The following NMNAT1 variants were observed in gnomAD, a reference collection of about 807,000 sequenced individuals.
NMNAT1 encodes the protein nicotinamide nucleotide adenylyltransferase 1, also known as nicotinamide/nicotinic acid mononucleotide adenylyltransferase 1.
A neutral mutation model predicts 16.7 loss-of-function variants in NMNAT1; 11 were observed. The observed-to-expected ratio is 0.66, with a 90% CI of 0.41 to 1.09. NMNAT1 has a LOEUF of 1.09. NMNAT1 is among the 50% of genes least tolerant of loss of function. NMNAT1 has a pLI of 0.00. For missense variants in NMNAT1, 280 were observed against 332.3 expected (o/e 0.84, Z 1.22); for synonymous variants, 110 against 119.8 (o/e 0.92, Z 0.53).
At chr1:9,966,989 C>T (rs929884501) in intron 1 of NMNAT1, among the ~76,000 whole-genome samples, 2 of 151,834 alleles carry the variant, frequency 1.3e-5, no homozygotes, top group African/African-American at 4.8e-5. Flanking sequence ...TTTAAAAGGC[C>T]GTGGCGGGCA....
intron 1 of NMNAT1, among the ~76,000 whole-genome samples, chr1:9,947,092 T>C (rs948279922): frequency 1.3e-5 from 2 of 152,194 alleles, no homozygotes; most frequent in African/African-American, 2.4e-5. Flanking sequence ...TGCCTACTTA[T>C]TGTCACCACT....
chr1:9,946,997 T>TA (rs1640994421), intron 1 of NMNAT1, among the ~76,000 whole-genome samples: 1 of 152,150 alleles, frequency 6.6e-6, no homozygotes, highest in South Asian at 2.1e-4. Context: ...AGCAGACAAA[T>TA]ACACCATCTA....
At chr1:9,980,516 G>C (rs1405365604) in intron 3 of NMNAT1, among the ~76,000 whole-genome samples, 2 of 151,306 alleles carry the variant, frequency 1.3e-5, no homozygotes, top group African/African-American at 4.8e-5. Context: ...CCAGCTGCTC[G>C]GGAGGCTGAG....
intron 3 of NMNAT1, among the ~76,000 whole-genome samples, chr1:9,980,703 T>C (rs1408741699): frequency 2.0e-5 from 3 of 151,560 alleles, no homozygotes; most frequent in Non-Finnish European, 4.4e-5. Context: ...GTCGCCCAGG[T>C]TGGAGTGCAG....
At chr1:9,959,088 T>C (rs1356744267) in intron 1 of NMNAT1, among the ~76,000 whole-genome samples, 3 of 152,056 alleles carry the variant, frequency 2.0e-5, no homozygotes, top group East Asian at 3.9e-4. Context: ...TAAGAAAATC[T>C]TGGTCGGGCA....
chr1:9,969,336 G>T lies in NMNAT1; in HGVS notation c.-56-2682G>T, dbSNP rs566692382. On this transcript the variant is annotated intron_variant, in intron 1 of 4. Transcript: ENST00000377205. ...TAAACAGGAGTATTCAGAGGATAGG[G>T]CTCTTGGAAATTAAGAGTGTAATGG... is the stretch of plus-strand genomic sequence containing the variant. Among the ~76,000 whole-genome samples the T allele has an allele frequency of 9.0e-4, 137 of 152,284 alleles. 1 individual carries two copies. The highest frequency in any genetic ancestry group is 3.1e-3 in the African/African-American group (129 of 41,566).
At chr1:9,956,420 CT>C (rs758331917) in intron 1 of NMNAT1, among the ~76,000 whole-genome samples, 18,578 of 117,436 alleles carry the variant, frequency 0.16, 1,578 homozygotes, top group African/African-American at 0.34. Flanking sequence ...ATTGGTCTAC[CT>C]TTTTTTTTTT....
chr1:9,950,804 AGGGT>A (rs2101640859), intron 1 of NMNAT1, among the ~76,000 whole-genome samples: 1 of 152,186 alleles, frequency 6.6e-6, no homozygotes, highest in South Asian at 2.1e-4. Context: ...AAGAGGAACT[AGGGT>A]GTGGGCACAG....
intron 2 of NMNAT1, among the ~76,000 whole-genome samples, chr1:9,975,111 T>C (rs1641776537): frequency 6.6e-6 from 1 of 152,170 alleles, no homozygotes; most frequent in South Asian, 2.1e-4. Context: ...GTTAATATCA[T>C]AGAACTGTAC....
At chr1:9,986,450 A>T (rs1642046046), downstream of NMNAT1, among the ~76,000 whole-genome samples, 1 of 152,186 alleles carries the variant, frequency 6.6e-6, no homozygotes, top group Non-Finnish European at 1.5e-5. Context: ...GTGGTGGCTC[A>T]GCCAGGCTTG....
intron 1 of NMNAT1, among the ~76,000 whole-genome samples, chr1:9,960,418 G>A (rs568716191): frequency 3.3e-5 from 5 of 151,926 alleles, no homozygotes; most frequent in African/African-American, 4.8e-5. Flanking sequence ...TCCCAGCACC[G>A]TGGGAGGCCA....
intron 3 of NMNAT1, among the ~76,000 whole-genome samples, chr1:9,979,195 T>A (rs1414839385): frequency 2.6e-5 from 4 of 152,160 alleles, no homozygotes; most frequent in African/African-American, 9.6e-5. Context: ...AGGCTGATCA[T>A]GGTGGCTCAC....
At chr1:9,995,493 GACCT>G in the NMNAT1 span, among the ~76,000 whole-genome samples, 4 of 151,196 alleles carry the variant, frequency 2.6e-5, no homozygotes, top group African/African-American at 7.3e-5. Context: ...GGGAGTTCGA[GACCT>G]ACCTGGCCAA....
At chr1:9,994,227 C>T in the NMNAT1 span, among the ~76,000 whole-genome samples, 1 of 149,074 alleles carries the variant, frequency 6.7e-6, no homozygotes, top group Admixed American at 6.7e-5. Context: ...TCTCCTGCCT[C>T]AGCCTCTCCA....
At chr1:9,947,897 A>G (rs1005504197) in intron 1 of NMNAT1, among the ~76,000 whole-genome samples, 1 of 152,214 alleles carries the variant, frequency 6.6e-6, no homozygotes, top group African/African-American at 2.4e-5. Flanking sequence ...TTCAACTGCT[A>G]GAGAGATCCT....
rs1389049223 is a variant in NMNAT1, at chr1:9,984,857, T to C, written c.*2156T>C. 1 of 152,164 alleles carries C rather than the reference T, an allele frequency of 6.6e-6. No individual in the cohort carries two copies. Among genetic ancestry groups the C allele is most frequent in the African/African-American group, 2.4e-5 (1 of 41,434 alleles). 9.4% of individuals were successfully genotyped at this position (152,164 alleles called of 1,614,324 possible). ...TTCAGATAAGAGAAGTGGCTTTTCC[T>C]TGGTGATGAAGGGGTAGAGATTGAG... On this transcript the variant is annotated 3_prime_UTR_variant, in exon 5 of 5. Coordinates refer to ENST00000377205, the MANE Select transcript of NMNAT1 (RefSeq NM_022787.4).
the NMNAT1 span, among the ~76,000 whole-genome samples, chr1:9,993,049 G>C: frequency 1.3e-5 from 2 of 152,200 alleles, no homozygotes; most frequent in African/African-American, 4.8e-5. Flanking sequence ...AGACTCTGAA[G>C]GAAAGGGTGT....
At chr1:9,981,406 T>C (rs1641946461) in intron 4 of NMNAT1, 1 of 436,248 alleles carries the variant, frequency 2.3e-6, no homozygotes. Flanking sequence ...GTCTAATTTG[T>C]TTGTATTTTT....
intron 1 of NMNAT1, among the ~76,000 whole-genome samples, chr1:9,952,048 C>T (rs1319669646): frequency 6.6e-6 from 1 of 152,076 alleles, no homozygotes; most frequent in Non-Finnish European, 1.5e-5. Context: ...CCTGTAATCC[C>T]AGCACTTTGG....
Sources: gnomAD v4.1 joint callset for allele counts (sites outside exome capture counted in the v4.1 genomes callset) on GRCh38, gnomAD v4.1.1 for gene constraint, MANE v1.5 for transcripts, NCBI Gene and HGNC (gene_info 2026-07-23, HGNC 2026-07-21) for gene names.